The following RIMS2 variants were observed in gnomAD, a reference collection of about 807,000 sequenced individuals.
RIMS2 encodes regulating synaptic membrane exocytosis 2.
In RIMS2, 59 loss-of-function variants were observed where a neutral mutation model predicts 174.4. That is an observed-to-expected ratio of 0.34 (90% CI 0.27 to 0.42). The LOEUF is 0.42. Among genes scored for constraint, RIMS2 ranks in the 10% least tolerant of loss-of-function variants. The probability of loss-of-function intolerance (pLI) is 1.00; values close to 1 mark genes in which losing one functional copy is unlikely to be tolerated. For missense variants in RIMS2, 1,620 were observed against 1,666.3 expected (o/e 0.97, Z 0.48); for synonymous variants, 606 against 572.5 (o/e 1.06, Z -0.84).
At chr8:103,812,012 G>A (rs1368906035) in intron 3 of RIMS2, among the ~76,000 whole-genome samples, 1 of 152,148 alleles carries the variant, frequency 6.6e-6, no homozygotes, top group African/African-American at 2.4e-5. Context: ...CTGTTCTGCA[G>A]CAATGGTCAG....
rs145333569 is a variant in RIMS2, at chr8:103,525,894, G to C, written c.176+24832G>C. The stretch of plus-strand genomic sequence containing the variant: ...TCTTCCACTGAGAACAACTAGAAAA[G>C]CTGGATCAAATATAAAAATCATCTG... On this transcript the variant is annotated intron_variant, in intron 1 of 23. Transcript: ENST00000504942. 4.2e-3 allele frequency among the ~76,000 whole-genome samples: 636 copies of C among 152,264 alleles called. 4 individuals are homozygous for C. The highest frequency in any genetic ancestry group is 0.015 in the African/African-American group (606 of 41,558).
rs536495624 is a variant in RIMS2 at position 103,994,050 on chromosome 8, C to CA, written c.3044+4648dup. Among the ~76,000 whole-genome samples, 776 of 88,074 alleles carry CA rather than the reference C, an allele frequency of 8.8e-3. 7 individuals carry two copies. The highest frequency in any genetic ancestry group is 0.015 in the East Asian group (33 of 2,154). 57.8% of individuals were successfully genotyped at this position (88,074 alleles called of 152,430 possible). A position where few individuals can be genotyped will look rare whatever the true frequency, so the allele number is the denominator to read the frequency against. On this transcript the variant is annotated intron_variant, in intron 17 of 23. Transcript: ENST00000504942. Reference sequence around the variant, plus strand: ...AGGGTGACAGAGCAAGACCCTGTCTCAAAAAAAAAAAAAAAAAAAGAATAA... The same window carrying CA: ...AGGGTGACAGAGCAAGACCCTGTCTCAAAAAAAAAAAAAAAAAAAAGAATAA...
chr8:104,157,541 C>A (rs574379439), intron 19 of RIMS2, among the ~76,000 whole-genome samples: 4 of 152,286 alleles, frequency 2.6e-5, no homozygotes, highest in Admixed American at 6.5e-5. Context: ...ATCCATTAAG[C>A]AATAACTCTT....
intron 1 of RIMS2, among the ~76,000 whole-genome samples, chr8:103,682,175 A>C (rs1016820906): frequency 8.5e-5 from 13 of 152,120 alleles, no homozygotes; most frequent in African/African-American, 2.9e-4. Flanking sequence ...TAGGCGATTG[A>C]ATACTGAAGC....
intron 19 of RIMS2, among the ~76,000 whole-genome samples, chr8:104,156,944 T>A (rs1482104460): frequency 6.6e-6 from 1 of 152,194 alleles, no homozygotes. Context: ...ATGAAAGAGA[T>A]GTTAAGTAAT....
chr8:103,989,863 C>T (rs936279264), intron 17 of RIMS2, among the ~76,000 whole-genome samples: 1 of 152,112 alleles, frequency 6.6e-6, no homozygotes, highest in African/African-American at 2.4e-5. Context: ...GAGACGGAGT[C>T]TGATTTGTTT....
At chr8:103,981,853 T>A (rs1330473284) in intron 16 of RIMS2, among the ~76,000 whole-genome samples, 1 of 151,454 alleles carries the variant, frequency 6.6e-6, no homozygotes, top group African/African-American at 2.4e-5. Context: ...GAAAAACAAA[T>A]AAAAAACAGT....
intron 14 of RIMS2, among the ~76,000 whole-genome samples, chr8:103,959,199 T>C (rs1197314310): frequency 7.8e-6 from 1 of 128,988 alleles, no homozygotes; most frequent in Non-Finnish European, 1.7e-5. Flanking sequence ...ATCACACCTG[T>C]ATTAAAAACC....
chr8:103,585,726 T>TG (rs1052334168), intron 1 of RIMS2, among the ~76,000 whole-genome samples: 2 of 147,190 alleles, frequency 1.4e-5, no homozygotes, highest in Admixed American at 6.8e-5. Flanking sequence ...TAGGGCCTGT[T>TG]GGGGGGTTGG....
chr8:104,190,935 G>GTTTTTTTTTTTTTTTTTTTTTA (rs57373743), intron 19 of RIMS2, among the ~76,000 whole-genome samples: 1 of 144,518 alleles, frequency 6.9e-6, no homozygotes, highest in Non-Finnish European at 1.5e-5. Flanking sequence ...CTCTTTTTTT[G>GTTTTTTTTTTTTTTTTTTTTTA]TTTTTTTTTT....
intron 1 of RIMS2, among the ~76,000 whole-genome samples, chr8:103,624,574 G>A (rs187705522): frequency 1.3e-5 from 2 of 152,124 alleles, no homozygotes; most frequent in East Asian, 1.9e-4. Flanking sequence ...TACTGTCACC[G>A]TGAAATTCTT....
At chr8:103,531,019 G>A (rs1471677700) in intron 1 of RIMS2, among the ~76,000 whole-genome samples, 2 of 150,494 alleles carry the variant, frequency 1.3e-5, no homozygotes, top group African/African-American at 2.4e-5. Flanking sequence ...AGGTAAATAC[G>A]AATTATAATG....
At chr8:103,664,954 G>C (rs1018855035) in intron 1 of RIMS2, among the ~76,000 whole-genome samples, 3 of 152,132 alleles carry the variant, frequency 2.0e-5, no homozygotes, top group African/African-American at 7.2e-5. Context: ...CCATAAAAAA[G>C]GATGAGTTCA....
chr8:103,585,389 C>G (rs1037845914), intron 1 of RIMS2, among the ~76,000 whole-genome samples: 1 of 149,550 alleles, frequency 6.7e-6, no homozygotes, highest in Non-Finnish European at 1.5e-5. Flanking sequence ...TGGGTATATA[C>G]CCAAAGGATT....
intron 2 of RIMS2, among the ~76,000 whole-genome samples, chr8:103,717,912 G>A (rs901456171): frequency 6.6e-6 from 1 of 152,120 alleles, no homozygotes. Flanking sequence ...GGTTGACTGA[G>A]AAACTGAATT....
intron 2 of RIMS2, among the ~76,000 whole-genome samples, chr8:103,752,066 C>T (rs556078493): frequency 9.2e-5 from 14 of 152,226 alleles, no homozygotes; most frequent in South Asian, 2.1e-4. Context: ...TTTTCTTCTA[C>T]GGTTTTTCTG....
chr8:104,055,012 G>T (rs1566062776), intron 19 of RIMS2, among the ~76,000 whole-genome samples: 1 of 151,978 alleles, frequency 6.6e-6, no homozygotes, highest in South Asian at 2.1e-4. Context: ...TTTGAAGGAG[G>T]AGAAAAGTGA....
At chr8:104,220,752 C>G (rs1225240425) in intron 19 of RIMS2, among the ~76,000 whole-genome samples, 4 of 151,888 alleles carry the variant, frequency 2.6e-5, no homozygotes, top group Admixed American at 6.6e-5. Context: ...CAGGCATGAC[C>G]CCCACACCTG....
At chr8:104,041,338 C>T in intron 19 of RIMS2, 1 of 698,266 alleles carries the variant, frequency 1.4e-6, no homozygotes. Flanking sequence ...GAACTGGACT[C>T]TACAAGGAGA....
Sources: gnomAD v4.1 joint callset for allele counts (sites outside exome capture counted in the v4.1 genomes callset) on GRCh38, gnomAD v4.1.1 for gene constraint, MANE v1.5 for transcripts, NCBI Gene and HGNC (gene_info 2026-07-23, HGNC 2026-07-21) for gene names.